The following AP1M1 variants were observed in gnomAD, a reference collection of about 807,000 sequenced individuals.
AP1M1 encodes the protein AP-1 complex subunit mu-1.
In AP1M1, 18 loss-of-function variants were observed where a neutral mutation model predicts 57.1. The ratio of observed to expected loss-of-function variants is 0.32; its 90% CI spans 0.22 to 0.47. The LOEUF (loss-of-function observed/expected upper bound fraction) is 0.47, where lower values mean the gene tolerates loss of function less well. AP1M1 is among the 20% of genes least tolerant of loss of function. The probability of loss-of-function intolerance (pLI) is 1.00; values close to 1 mark genes in which losing one functional copy is unlikely to be tolerated. For missense variants in AP1M1, 362 were observed against 593.5 expected, an observed-to-expected ratio of 0.61 and a Z score of 4.05; for synonymous variants, 241 against 237.9, an observed-to-expected ratio of 1.01 and a Z score of -0.12.
intron 1 of AP1M1, chr19:16,198,294 C>G: frequency 2.9e-6 from 1 of 339,978 alleles, no homozygotes; most frequent in Non-Finnish European, 5.4e-6. Flanking sequence ...TGGGCTGCAG[C>G]CACCGCGTTG....
At position 16,228,812 on chromosome 19, in the gene AP1M1, G is replaced by A. The variant is rs761575577; in HGVS notation, c.931G>A (p.Glu311Lys). ...GCGGCGGTCAACAGCCAACAACGTG[G>A]AGATCCACATTCCCGTGCCCAATGA... ...FKRRSTANNV[E>K]IHIPVPNDAD... The change falls in exon 9 of 12, where the codon GAG becomes AAG. Residue 311 changes from glutamate (E) to lysine (K), a missense_variant. Coordinates refer to ENST00000291439, the MANE Select transcript of AP1M1 (RefSeq NM_032493.4). This position sits in a 1 kb window ranked among gnomAD's most constrained non-coding sequence, Gnocchi z 5.0. 7 of 1,614,140 alleles carry A rather than the reference G, an allele frequency of 4.3e-6. No homozygotes were observed. In the East Asian group the frequency reaches 1.3e-4, roughly 31 times the overall value.
chr19:16,221,878 G>A (rs2091545837), intron 5 of AP1M1, among the ~76,000 whole-genome samples: 1 of 152,052 alleles, frequency 6.6e-6, no homozygotes, highest in Non-Finnish European at 1.5e-5. Flanking sequence ...TAGAGACAGG[G>A]TTTCTCCATG....
In AP1M1 at chr19:16,234,746, C is replaced by A; in HGVS notation, c.*311C>A. 2.1e-6 allele frequency: 1 copy of A among 465,752 alleles called. No individual in the cohort carries two copies. The highest frequency in any genetic ancestry group is 3.9e-6 in the Non-Finnish European group (1 of 259,198). The allele number at this position is 465,752 out of a possible 1,614,324, so 28.9% of individuals were successfully genotyped here. On this transcript the variant is annotated 3_prime_UTR_variant, in exon 12 of 12. Transcript: ENST00000291439. ...TTTATGCTGTTGAGCTCCCAGGTAC[C>A]AAAAAGCTTGGCCAACGCTTGCCAG...
At chr19:16,200,805 G>A (rs993152021) in intron 1 of AP1M1, among the ~76,000 whole-genome samples, 37 of 152,190 alleles carry the variant, frequency 2.4e-4, no homozygotes, top group Non-Finnish European at 3.8e-4. Context: ...AGGAGGCTGC[G>A]CTCTGGGGGG....
rs1568359060 is a variant in AP1M1, at chr19:16,241,598, G to A, written c.*7163G>A. 2 of 152,080 alleles carry A rather than the reference G, an allele frequency of 1.3e-5. No individual in the cohort carries two copies. The highest frequency in any genetic ancestry group is 4.8e-5 in the African/African-American group (2 of 41,384). The allele number at this position is 152,080 out of a possible 1,614,324, so 9.4% of individuals were successfully genotyped here. On this transcript the variant is annotated 3_prime_UTR_variant, in exon 12 of 12. Transcript: ENST00000291439. Reference sequence around the variant, plus strand: ...AGGAGATTCGGCTAAAGTCCACGAGGGCCACGTATTTATATATAATTTCTA... The same window carrying A: ...AGGAGATTCGGCTAAAGTCCACGAGAGCCACGTATTTATATATAATTTCTA...
At chr19:16,216,188 T>G (rs1180130703) in intron 5 of AP1M1, among the ~76,000 whole-genome samples, 1 of 152,252 alleles carries the variant, frequency 6.6e-6, no homozygotes, top group East Asian at 1.9e-4. Flanking sequence ...TCAGCCTAGT[T>G]AAGAACTCTT....
At chr19:16,226,384 T>C (rs759220384) in intron 5 of AP1M1, 37 bp from the exon 6 acceptor site, 22 of 1,509,750 alleles carry the variant, frequency 1.5e-5, no homozygotes, top group Non-Finnish European at 2.0e-5. Context: ...GCTGGTGAGT[T>C]GGGGACCTCC....
intron 2 of AP1M1, among the ~76,000 whole-genome samples, chr19:16,205,572 A>G (rs1277028209): frequency 1.3e-5 from 2 of 152,152 alleles, no homozygotes; most frequent in Admixed American, 6.5e-5. Context: ...TCCTGGGCAG[A>G]CGAGCCAGGC....
In AP1M1 at chr19:16,233,486, TC is replaced by T; in HGVS notation, c.1048-3del. 6.3e-7 allele frequency: 1 copy of T among 1,595,176 alleles called. No individual in the cohort carries two copies. Among genetic ancestry groups the T allele is most frequent in the Admixed American group, 1.7e-5 (1 of 57,180 alleles). Reference sequence around the variant, plus strand: ...AGGCCTGAGCGCCTCCCCCGTCTGCTCCCCAGGGCGGCAAGGAGTACCTGAT... The same window carrying T: ...AGGCCTGAGCGCCTCCCCCGTCTGCTCCCAGGGCGGCAAGGAGTACCTGAT... On this transcript the variant is annotated splice_region_variant and splice_polypyrimidine_tract_variant and intron_variant, in intron 9 of 11. Transcript: ENST00000291439.
chr19:16,205,076 G>A (rs992143034), intron 2 of AP1M1, among the ~76,000 whole-genome samples: 3 of 151,886 alleles, frequency 2.0e-5, no homozygotes, highest in East Asian at 3.9e-4. Flanking sequence ...CTCGTGATCC[G>A]CCCGCCTCAG....
intron 1 of AP1M1, among the ~76,000 whole-genome samples, chr19:16,199,075 T>C (rs2091436844): frequency 1.3e-5 from 2 of 152,184 alleles, no homozygotes; most frequent in Admixed American, 1.3e-4. Flanking sequence ...CCCAAAGTGC[T>C]GGGATTACAG....
At chr19:16,214,946 G>C (rs981466068) in intron 5 of AP1M1, among the ~76,000 whole-genome samples, 6 of 150,386 alleles carry the variant, frequency 4.0e-5, no homozygotes, top group African/African-American at 1.5e-4. Flanking sequence ...ATGGGGTTTT[G>C]CCATGTTTCC....
At chr19:16,234,001 C>T (rs910439552) in intron 10 of AP1M1, 198 bp from the exon 11 acceptor site, 11 of 603,454 alleles carry the variant, frequency 1.8e-5, no homozygotes, top group African/African-American at 1.5e-4. Context: ...CCTGGCTGCT[C>T]ACCACTTCCA....
At chr19:16,210,881 A>G (rs2091490608) in intron 5 of AP1M1, among the ~76,000 whole-genome samples, 1 of 152,176 alleles carries the variant, frequency 6.6e-6, no homozygotes, top group African/African-American at 2.4e-5. Context: ...CTTAATGGCT[A>G]ATAATGTTGA....
rs2091655315 is a variant in AP1M1, at chr19:16,244,343, A to G, written c.*9908A>G. The G allele has an allele frequency of 6.6e-6, 1 of 152,266 alleles. No individual in the cohort carries two copies. The highest frequency in any genetic ancestry group is 2.4e-5 in the African/African-American group (1 of 41,472). 9.4% of individuals were successfully genotyped at this position (152,266 alleles called of 1,614,324 possible). ...GCTAACACTAAAGAAAATTGTAAAC[A>G]GTGTACTCACATCAGGCACAAGGAA... is the stretch of plus-strand genomic sequence containing the variant. On this transcript the variant is annotated 3_prime_UTR_variant, in exon 12 of 12. Transcript: ENST00000291439.
rs1599451626 is a variant in AP1M1, at chr19:16,203,203, G to T, written c.43-256G>T. 3 of 518,644 alleles carry T rather than the reference G, an allele frequency of 5.8e-6. No homozygotes were observed. Among genetic ancestry groups the T allele is most frequent in the Non-Finnish European group, 1.1e-5 (3 of 285,142 alleles). The allele number at this position is 518,644 out of a possible 1,614,324, so 32.1% of individuals were successfully genotyped here. On this transcript the variant is annotated intron_variant, in intron 1 of 11. Transcript: ENST00000291439. This position sits in a 1 kb window ranked among gnomAD's most constrained non-coding sequence, Gnocchi z 4.6. ...GGTGATTCAGTCCTGGACCTTTGCT[G>T]CAGAGTTCGCCTCTACCCTCACCCT...
chr19:16,203,729 A>G lies in AP1M1; in HGVS notation c.199+114A>G. ...TGTGCACAGCGCAAGCATTGGACAC[A>G]GCCATGCCCTCCTGGAGCTCCCTGC... On this transcript the variant is annotated intron_variant, in intron 2 of 11. Coordinates refer to ENST00000291439, the MANE Select transcript of AP1M1 (RefSeq NM_032493.4). The surrounding 1 kb of genome is among the most constrained non-coding windows in gnomAD (Gnocchi z 4.6). 3.5e-6 allele frequency: 4 copies of G among 1,155,512 alleles called. No individual in the cohort carries two copies. The highest frequency in any genetic ancestry group is 4.9e-6 in the Non-Finnish European group (4 of 815,694). 71.6% of individuals were successfully genotyped at this position (1,155,512 alleles called of 1,614,324 possible). A position where few individuals can be genotyped will look rare whatever the true frequency, so the allele number is the denominator to read the frequency against.
In AP1M1 at chr19:16,228,212, C is replaced by G. The variant is rs374713343; in HGVS notation, c.888+4C>G. On this transcript the variant is annotated splice_donor_region_variant and intron_variant, in intron 8 of 11. Coordinates refer to ENST00000291439, the MANE Select transcript of AP1M1 (RefSeq NM_032493.4). This position sits in a 1 kb window ranked among gnomAD's most constrained non-coding sequence, Gnocchi z 5.0. Reference sequence around the variant, plus strand: ...CCGCATCGAGTACATGATCAAGGTGCGTGGGCCGAGGCCACCCACTGAGGG... The same window carrying G: ...CCGCATCGAGTACATGATCAAGGTGGGTGGGCCGAGGCCACCCACTGAGGG... The G allele has an allele frequency of 6.2e-7, 1 of 1,613,254 alleles. No individual in the cohort carries two copies. The highest frequency in any genetic ancestry group is 8.5e-7 in the Non-Finnish European group (1 of 1,179,950).
chr19:16,228,284 G>A lies in AP1M1; in HGVS notation c.888+76G>A, dbSNP rs917494123. ...TCCCAGGAGCCTAACCGAGGGCTGG[G>A]GGTGCCGTAGGGCTGCCATCCGTGC... On this transcript the variant is annotated intron_variant, in intron 8 of 11. Coordinates refer to ENST00000291439, the MANE Select transcript of AP1M1 (RefSeq NM_032493.4). This position sits in a 1 kb window ranked among gnomAD's most constrained non-coding sequence, Gnocchi z 5.0. 6.6e-5 allele frequency: 96 copies of A among 1,462,124 alleles called. No homozygotes were observed. Among genetic ancestry groups the A allele is most frequent in the Non-Finnish European group, 8.6e-5 (91 of 1,061,700 alleles). 90.6% of individuals were successfully genotyped at this position (1,462,124 alleles called of 1,614,324 possible).
Sources: allele counts gnomAD v4.1 joint callset (sites outside exome capture counted in the v4.1 genomes callset), GRCh38; gene constraint gnomAD v4.1.1; non-coding constraint Gnocchi (gnomAD v3.1); transcripts MANE v1.5; gene names NCBI Gene and HGNC (gene_info 2026-07-23, HGNC 2026-07-21).